RAD23A: variants seen among roughly 807,000 people sequenced by gnomAD.
The protein encoded by RAD23A is RAD23 nucleotide excision repair protein A.
A neutral mutation model predicts 44.8 loss-of-function variants in RAD23A; 16 were observed. That is an observed-to-expected ratio of 0.36 (90% CI 0.24 to 0.54). The LOEUF is 0.54. RAD23A is among the 20% of genes least tolerant of loss of function. The pLI is 0.89. For missense variants in RAD23A, 380 were observed against 483.3 expected, an observed-to-expected ratio of 0.79 and a Z score of 2.00; for synonymous variants, 217 against 202.9, an observed-to-expected ratio of 1.07 and a Z score of -0.59.
chr19:12,949,352 G>T lies in RAD23A; in HGVS notation c.757G>T (p.Ala253Ser). 1 of 1,614,102 alleles carries T rather than the reference G, an allele frequency of 6.2e-7. No homozygotes were observed. Among genetic ancestry groups the T allele is most frequent in the East Asian group, 2.2e-5 (1 of 44,880 alleles). ...NMRQVIQQNP[A>S]LLPALLQQLG... is the part of the protein sequence containing the mutation. ...GCGGCAGGTGATTCAGCAGAACCCT[G>T]CGCTGCTGCCCGCCCTGCTCCAGCA... Residue 253 changes from alanine to serine, a missense_variant, in exon 7 of 9, where the codon GCG becomes TCG. Physicochemically the swap from Ala to Ser is moderately conservative, Grantham distance 99. Coordinates refer to ENST00000586534, the MANE Select transcript of RAD23A (RefSeq NM_005053.4).
intron 7 of RAD23A, among the ~76,000 whole-genome samples, chr19:12,950,233 C>T (rs1188283847): frequency 6.6e-6 from 1 of 152,104 alleles, no homozygotes; most frequent in Non-Finnish European, 1.5e-5. Flanking sequence ...CTTGGGGTTG[C>T]TTCAGCCCCA....
At position 12,951,432 on chromosome 19, in the gene RAD23A, G is replaced by GT. The variant is rs903510160; in HGVS notation, c.814-1249dup. Among the ~76,000 whole-genome samples, 87 of 151,436 alleles carry GT rather than the reference G, an allele frequency of 5.7e-4. No individual in the cohort carries two copies. The East Asian group carries it at 5.8e-3, about 10-fold the overall frequency. On this transcript the variant is annotated intron_variant, in intron 7 of 8. Transcript: ENST00000586534. ...CCCCTTCCCTTGTTCGCTGTTTTTT[G>GT]TTTTTTTTGTTGTTGTTGTTTGTTT...
At position 12,953,235 on chromosome 19, in the gene RAD23A, G is replaced by A. The variant is rs565144412; in HGVS notation, c.*186G>A. On this transcript the variant is annotated 3_prime_UTR_variant, in exon 9 of 9. Transcript: ENST00000586534. ...AGTGGCCCCTGTTCCCATCTCCCGG[G>A]CCAGACAGCTGTCCCCCCGTCCTCC... is the stretch of plus-strand genomic sequence containing the variant. 8.5e-5 allele frequency: 38 copies of A among 447,164 alleles called. 1 individual carries two copies. Among genetic ancestry groups the A allele is most frequent in the East Asian group, 7.4e-4 (20 of 26,868 alleles). The allele number at this position is 447,164 out of a possible 1,614,324, so 27.7% of individuals were successfully genotyped here.
Position 12,948,221 on chromosome 19 carries a change from C to A in RAD23A, c.279C>A (p.Pro93=), listed in dbSNP as rs1185765113. 1 of 1,614,008 alleles carries A rather than the reference C, an allele frequency of 6.2e-7. No homozygotes were observed. Among genetic ancestry groups the A allele is most frequent in the Non-Finnish European group, 8.5e-7 (1 of 1,180,012 alleles). ...CCTCAGCACCCCCAGAGGCCTCACC[C>A]ACAGCTGCCCCAGAGTCCTCTACAT... ...QGTSAPPEAS[P]TAAPESSTSF... The change falls in exon 3 of 9, where the codon CCC becomes CCA. Residue 93 remains proline (P), a synonymous_variant. Coordinates refer to ENST00000586534, the MANE Select transcript of RAD23A (RefSeq NM_005053.4). The surrounding 1 kb of genome is among the most constrained non-coding windows in gnomAD (Gnocchi z 5.5).
chr19:12,949,944 C>G (rs1398734639), intron 7 of RAD23A, among the ~76,000 whole-genome samples: 1 of 151,958 alleles, frequency 6.6e-6, no homozygotes, highest in Non-Finnish European at 1.5e-5. Context: ...GGTCTTGGCT[C>G]AGGACCCTGC....
Position 12,948,476 on chromosome 19 carries a change from T to G in RAD23A, c.417-21T>G. 1.3e-6 allele frequency: 2 copies of G among 1,567,506 alleles called. No individual in the cohort carries two copies. The highest frequency in any genetic ancestry group is 1.7e-6 in the Non-Finnish European group (2 of 1,157,596). ...AAGCCGCCAGAAGCCAGGGTCCGAT[T>G]TCTCTCTCTTGAATTTGCAGCTCTG... On this transcript the variant is annotated intron_variant, in intron 3 of 8. Coordinates refer to ENST00000586534, the MANE Select transcript of RAD23A (RefSeq NM_005053.4). This position sits in a 1 kb window ranked among gnomAD's most constrained non-coding sequence, Gnocchi z 5.5.
At chr19:12,950,804 G>T (rs1971791628) in intron 7 of RAD23A, among the ~76,000 whole-genome samples, 1 of 152,210 alleles carries the variant, frequency 6.6e-6, no homozygotes, top group South Asian at 2.1e-4. Flanking sequence ...AGTGGCTCAT[G>T]CCTGTAATCC....
chr19:12,949,920 G>T (rs1171601613), intron 7 of RAD23A, among the ~76,000 whole-genome samples: 1 of 151,990 alleles, frequency 6.6e-6, no homozygotes, highest in East Asian at 1.9e-4. Flanking sequence ...TGGGTTCTCG[G>T]TGAAGTGCCT....
In RAD23A at chr19:12,949,411, G is replaced by A. The variant is rs1370053366; in HGVS notation, c.813+3G>A. On this transcript the variant is annotated splice_donor_region_variant and intron_variant, in intron 7 of 8. Coordinates refer to ENST00000586534, the MANE Select transcript of RAD23A (RefSeq NM_005053.4). ...AGGAGAACCCTCAGCTTTTACAGGT[G>A]TGGTCCCAAGGGCAGAGGGAGCTAG... The A allele has an allele frequency of 1.1e-5, 17 of 1,612,140 alleles. No homozygotes were observed. Among genetic ancestry groups the A allele is most frequent in the Non-Finnish European group, 1.4e-5 (16 of 1,178,508 alleles).
At position 12,952,842 on chromosome 19, in the gene RAD23A, G is replaced by C; in HGVS notation, c.967G>C (p.Ala323Pro). The change falls in exon 8 of 9, where the codon GCT becomes CCT. Residue 323 changes from alanine to proline, a missense_variant. Transcript: ENST00000586534. ...YIQVTPQEKE[A>P]IERLKALGFP... The stretch of plus-strand genomic sequence containing the variant: ...CCAGGTGACGCCGCAGGAGAAAGAA[G>C]CTATAGAGAGGGTAAGAGGCCTGGC... 6.2e-7 allele frequency: 1 copy of C among 1,605,618 alleles called. No individual in the cohort carries two copies. Among genetic ancestry groups the C allele is most frequent in the Non-Finnish European group, 8.5e-7 (1 of 1,175,146 alleles).
At chr19:12,952,169 T>C (rs1971830716) in intron 7 of RAD23A, among the ~76,000 whole-genome samples, 1 of 152,044 alleles carries the variant, frequency 6.6e-6, no homozygotes, top group African/African-American at 2.4e-5. Context: ...TAGAATCACC[T>C]GAAGTGATTA....
At position 12,945,903 on chromosome 19, in the gene RAD23A, A is replaced by C; in HGVS notation, c.-46A>C. The C allele has an allele frequency of 6.3e-7, 1 of 1,590,698 alleles. No homozygotes were observed. Among genetic ancestry groups the C allele is most frequent in the Non-Finnish European group, 8.6e-7 (1 of 1,165,386 alleles). ...CTAAGATGGCGGCGGCGTGAGTTGC[A>C]TGTTGTGTGAGGATCCCGGGGCCGC... is the stretch of plus-strand genomic sequence containing the variant. On this transcript the variant is annotated 5_prime_UTR_variant, in exon 1 of 9. It removes an upstream start codon present in the reference 5' UTR. Coordinates refer to ENST00000586534, the MANE Select transcript of RAD23A (RefSeq NM_005053.4).
chr19:12,949,522 A>G, intron 7 of RAD23A, 114 bp downstream of exon 7: 5 of 1,405,756 alleles, frequency 3.6e-6, no homozygotes, highest in East Asian at 2.3e-5. Context: ...GACTAAGCAC[A>G]TGCTTCCCCC....
At position 12,948,482 on chromosome 19, in the gene RAD23A, CT is replaced by C; in HGVS notation, c.417-14del. 6.3e-7 allele frequency: 1 copy of C among 1,575,374 alleles called. No homozygotes were observed. The highest frequency in any genetic ancestry group is 8.6e-7 in the Non-Finnish European group (1 of 1,161,566). On this transcript the variant is annotated splice_polypyrimidine_tract_variant and intron_variant, in intron 3 of 8. Coordinates refer to ENST00000586534, the MANE Select transcript of RAD23A (RefSeq NM_005053.4). This position sits in a 1 kb window ranked among gnomAD's most constrained non-coding sequence, Gnocchi z 5.5. ...CCAGAAGCCAGGGTCCGATTTCTCT[CT>C]CTTGAATTTGCAGCTCTGTTCCCTC...
Position 12,948,827 on chromosome 19 carries a change from TC to T in RAD23A, c.600+16del. On this transcript the variant is annotated intron_variant, in intron 5 of 8. Coordinates refer to ENST00000586534, the MANE Select transcript of RAD23A (RefSeq NM_005053.4). The surrounding 1 kb of genome is among the most constrained non-coding windows in gnomAD (Gnocchi z 5.5). ...TATCTGCTCACGGTGAGGTGGGGCT[TC>T]CGCCTCCCGGGGAGGCCTTGAGGGA... 1 of 1,589,496 alleles carries T rather than the reference TC, an allele frequency of 6.3e-7. No homozygotes were observed.
In RAD23A at chr19:12,946,001, G is replaced by T; in HGVS notation, c.53G>T (p.Arg18Leu). Reference sequence around the variant, plus strand: ...CTGCAGCAGCAGACCTTCAAGATCCGCATGGAGCCTGACGAGACGGTGCGG... The same window carrying T: ...CTGCAGCAGCAGACCTTCAAGATCCTCATGGAGCCTGACGAGACGGTGCGG... ...KTLQQQTFKI[R>L]MEPDETVKVL... Residue 18 changes from arginine (R) to leucine (L), a missense_variant, in exon 1 of 9, where the codon CGC becomes CTC. Arg to Leu is a moderately radical substitution (Grantham distance 102, BLOSUM62 -2). Coordinates refer to ENST00000586534, the MANE Select transcript of RAD23A (RefSeq NM_005053.4). 3 of 1,574,426 alleles carry T rather than the reference G, an allele frequency of 1.9e-6. No homozygotes were observed. The highest frequency in any genetic ancestry group is 1.7e-5 in the Admixed American group (1 of 58,682).
chr19:12,953,134 GTTTA>G lies in RAD23A; in HGVS notation c.*90_*93del, dbSNP rs1450969252. 10 of 843,330 alleles carry G rather than the reference GTTTA, an allele frequency of 1.2e-5. No homozygotes were observed. Among genetic ancestry groups the G allele is most frequent in the South Asian group, 4.2e-5 (2 of 47,742 alleles). 52.2% of individuals were successfully genotyped at this position (843,330 alleles called of 1,614,324 possible). ...AAAGAAAAAATATATATATATTCAT[GTTTA>G]TTTAAGAAATGGAAAAAAAAATCAA... On this transcript the variant is annotated 3_prime_UTR_variant, in exon 9 of 9. Coordinates refer to ENST00000586534, the MANE Select transcript of RAD23A (RefSeq NM_005053.4).
At chr19:12,952,531 C>T (rs1971841994) in intron 7 of RAD23A, 158 bp from the exon 8 acceptor site, 2 of 823,708 alleles carry the variant, frequency 2.4e-6, no homozygotes, top group South Asian at 1.9e-5. Context: ...TCAGCTCTTC[C>T]AGGGTAGGGC....
intron 7 of RAD23A, among the ~76,000 whole-genome samples, chr19:12,950,402 C>G (rs2146038779): frequency 6.6e-6 from 1 of 151,956 alleles, no homozygotes; most frequent in Non-Finnish European, 1.5e-5. Flanking sequence ...CTAAAAAGCA[C>G]TTTCTTTTCT....
Sources: allele counts gnomAD v4.1 joint callset (sites outside exome capture counted in the v4.1 genomes callset), GRCh38; gene constraint gnomAD v4.1.1; non-coding constraint Gnocchi (gnomAD v3.1); transcripts MANE v1.5; gene names NCBI Gene and HGNC (gene_info 2026-07-23, HGNC 2026-07-21).